The following CAMK4 variants were observed in gnomAD, a reference collection of about 807,000 sequenced individuals.
CAMK4 encodes calcium/calmodulin dependent protein kinase IV.
Under a neutral mutation model 44.9 loss-of-function variants are expected in CAMK4, and 22 were observed. The ratio of observed to expected loss-of-function variants is 0.49; its 90% confidence interval spans 0.35 to 0.70. The LOEUF (loss-of-function observed/expected upper bound fraction) is 0.70. Among genes scored for constraint, CAMK4 ranks in the 30% least tolerant of loss-of-function variants. The pLI is 0.01. For synonymous variants in CAMK4, 218 were observed against 215.4 expected (o/e 1.01, Z -0.11); for missense variants, 498 against 586.8 (o/e 0.85, Z 1.56).
At chr5:111,317,744 T>C (rs1379629900) in intron 1 of CAMK4, among the ~76,000 whole-genome samples, 1 of 151,978 alleles carries the variant, frequency 6.6e-6, no homozygotes, top group African/African-American at 2.4e-5. Flanking sequence ...CAGATTCCTC[T>C]GCTCAAAAGG....
intron 1 of CAMK4, among the ~76,000 whole-genome samples, chr5:111,319,274 T>C (rs1748561870): frequency 6.6e-6 from 1 of 152,174 alleles, no homozygotes; most frequent in Non-Finnish European, 1.5e-5. Flanking sequence ...TTTGGGACCT[T>C]TCTAGATAGA....
intron 5 of CAMK4, among the ~76,000 whole-genome samples, chr5:111,445,659 C>A (rs2112970623): frequency 6.6e-6 from 1 of 152,276 alleles, no homozygotes; most frequent in South Asian, 2.1e-4. Flanking sequence ...AACTCCTGGA[C>A]TCAAACGATC....
chr5:111,474,012 G>A (rs1755153169), intron 8 of CAMK4, among the ~76,000 whole-genome samples: 1 of 152,150 alleles, frequency 6.6e-6, no homozygotes, highest in South Asian at 2.1e-4. Context: ...ATTTGCCAAA[G>A]ACATGGTGGA....
At chr5:111,347,528 A>C (rs550799450) in intron 2 of CAMK4, among the ~76,000 whole-genome samples, 46 of 152,070 alleles carry the variant, frequency 3.0e-4, no homozygotes, top group South Asian at 8.3e-4. Flanking sequence ...AAGGAACTCA[A>C]AATTTTTCTT....
intron 1 of CAMK4, among the ~76,000 whole-genome samples, chr5:111,341,517 G>A (rs1277717362): frequency 6.6e-6 from 1 of 150,848 alleles, no homozygotes. Context: ...CATCATATAT[G>A]TGTAGGACTA....
At chr5:111,237,679 G>T (rs1022357175) in intron 1 of CAMK4, among the ~76,000 whole-genome samples, 4 of 152,150 alleles carry the variant, frequency 2.6e-5, no homozygotes, top group Non-Finnish European at 5.9e-5. Flanking sequence ...TTTTAGAAAA[G>T]AATCATTCTT....
chr5:111,436,974 T>C (rs1299025484), intron 5 of CAMK4, among the ~76,000 whole-genome samples: 6 of 152,220 alleles, frequency 3.9e-5, no homozygotes, highest in Admixed American at 3.9e-4. Flanking sequence ...ATGAATTAGG[T>C]AATGGTTTAA....
At chr5:111,285,898 C>T (rs979413393) in intron 1 of CAMK4, among the ~76,000 whole-genome samples, 8 of 152,124 alleles carry the variant, frequency 5.3e-5, no homozygotes, top group Non-Finnish European at 1.2e-4. Flanking sequence ...AAAGTAAATC[C>T]ATAATGAGTT....
intron 8 of CAMK4, among the ~76,000 whole-genome samples, chr5:111,474,681 G>A (rs913599174): frequency 2.6e-5 from 4 of 152,144 alleles, no homozygotes; most frequent in African/African-American, 9.7e-5. Context: ...CAATATCCAG[G>A]TGATATGGAC....
At chr5:111,313,824 A>G (rs1009645111) in intron 1 of CAMK4, among the ~76,000 whole-genome samples, 5 of 152,152 alleles carry the variant, frequency 3.3e-5, no homozygotes, top group Non-Finnish European at 7.4e-5. Flanking sequence ...TGCTGCTTAC[A>G]TATCTTACTG....
Position 111,224,756 on chromosome 5 carries a change from C to T in CAMK4, c.161+112C>T, listed in dbSNP as rs1748095367. The T allele has an allele frequency of 1.9e-6, 2 of 1,034,752 alleles. No homozygotes were observed. The highest frequency in any genetic ancestry group is 1.4e-6 in the Non-Finnish European group (1 of 719,516). 64.1% of individuals were successfully genotyped at this position (1,034,752 alleles called of 1,614,324 possible). ...CTGCCTTCGTGCCCTTCGATTTCTC[C>T]CTACCTAGTTAGTGTCTTGAGAGAG... On this transcript the variant is annotated intron_variant, in intron 1 of 10. Coordinates refer to ENST00000282356, the MANE Select transcript of CAMK4 (RefSeq NM_001744.6). The surrounding 1 kb of genome is among the most constrained non-coding windows in gnomAD (Gnocchi z 5.7).
chr5:111,271,860 T>G (rs1334063832), intron 1 of CAMK4, among the ~76,000 whole-genome samples: 1 of 152,144 alleles, frequency 6.6e-6, no homozygotes, highest in African/African-American at 2.4e-5. Flanking sequence ...ATATATACTG[T>G]GTATTCAAAG....
chr5:111,232,959 T>A (rs1159169977), intron 1 of CAMK4, among the ~76,000 whole-genome samples: 1 of 152,212 alleles, frequency 6.6e-6, no homozygotes, highest in African/African-American at 2.4e-5. Context: ...AAAGCAGGCA[T>A]AGACAACATA....
At chr5:111,230,823 A>T (rs10073038) in intron 1 of CAMK4, among the ~76,000 whole-genome samples, 57,149 of 151,398 alleles carry the variant, frequency 0.38, 11,112 homozygotes, top group South Asian at 0.44. Context: ...CTTTTTTTTT[A>T]AAAAAAATAA....
chr5:111,302,206 A>T (rs145017586), intron 1 of CAMK4: 1 of 152,490 alleles, frequency 6.6e-6, no homozygotes, highest in Non-Finnish European at 1.5e-5. Context: ...CGGGGTCCCA[A>T]TTACCTTATA....
intron 1 of CAMK4, among the ~76,000 whole-genome samples, chr5:111,278,050 C>T (rs1380114415): frequency 6.6e-6 from 1 of 152,198 alleles, no homozygotes; most frequent in Non-Finnish European, 1.5e-5. Flanking sequence ...GAAGAATCAA[C>T]TTATTCTGTT....
chr5:111,308,858 TATTTA>T (rs1432357773), intron 1 of CAMK4, among the ~76,000 whole-genome samples: 2 of 152,228 alleles, frequency 1.3e-5, no homozygotes, highest in African/African-American at 4.8e-5. Flanking sequence ...AAATTACATG[TATTTA>T]ATTATAGATG....
chr5:111,367,852 T>C (rs1322386912), intron 2 of CAMK4, among the ~76,000 whole-genome samples: 1 of 152,108 alleles, frequency 6.6e-6, no homozygotes, highest in Non-Finnish European at 1.5e-5. Flanking sequence ...CCTGGTACAA[T>C]GTCTCTGGAG....
intron 1 of CAMK4, among the ~76,000 whole-genome samples, chr5:111,232,133 A>G (rs1421914003): frequency 1.3e-5 from 2 of 152,198 alleles, no homozygotes; most frequent in East Asian, 1.9e-4. Flanking sequence ...TAGACGATGT[A>G]TGCTGGCAGT....
Sources: allele counts gnomAD v4.1 joint callset (sites outside exome capture counted in the v4.1 genomes callset), GRCh38; gene constraint gnomAD v4.1.1; non-coding constraint Gnocchi (gnomAD v3.1); transcripts MANE v1.5; gene names NCBI Gene and HGNC (gene_info 2026-07-23, HGNC 2026-07-21).